Variants in KLHL1 observed in about 807,000 individuals in gnomAD.
KLHL1 encodes kelch like family member 1.
In KLHL1, 47 loss-of-function variants were observed where a neutral mutation model predicts 77.7. That is an observed-to-expected ratio of 0.60 (90% confidence interval 0.48 to 0.77). KLHL1 has a LOEUF of 0.77. Ranked by LOEUF, KLHL1 falls within the 30% of genes least tolerant of loss-of-function variation. The pLI is 0.00. For synonymous variants in KLHL1, 360 were observed against 325.2 expected (o/e 1.11, Z -1.15); for missense variants, 925 against 910.8 (o/e 1.02, Z -0.20).
intron 4 of KLHL1, among the ~76,000 whole-genome samples, chr13:69,923,756 G>GTGCA (rs1253343879): frequency 1.3e-5 from 2 of 152,110 alleles, no homozygotes; most frequent in Non-Finnish European, 2.9e-5. Context: ...AGTGGAGGAG[G>GTGCA]TGCAGCCAGG....
At chr13:70,090,068 C>T (rs1887636942) in intron 1 of KLHL1, among the ~76,000 whole-genome samples, 1 of 152,028 alleles carries the variant, frequency 6.6e-6, no homozygotes, top group South Asian at 2.1e-4. Context: ...AATCCTAACT[C>T]TGTTTTTATA....
intron 9 of KLHL1, 87 bp from the exon 10 acceptor site, chr13:69,707,883 T>C (rs1043324558): frequency 2.1e-5 from 24 of 1,149,270 alleles, no homozygotes; most frequent in African/African-American, 1.9e-4. Context: ...AAGCCTGTCA[T>C]GAAAAAGGAA....
chr13:69,985,807 ATATAT>A (rs1355262793), intron 1 of KLHL1, among the ~76,000 whole-genome samples: 2 of 146,278 alleles, frequency 1.4e-5, no homozygotes, highest in African/African-American at 2.5e-5. Flanking sequence ...ATATATATTT[ATATAT>A]TATATATTAT....
chr13:70,085,889 A>C (rs1887523784), intron 1 of KLHL1, among the ~76,000 whole-genome samples: 1 of 152,142 alleles, frequency 6.6e-6, no homozygotes, highest in Admixed American at 6.5e-5. Context: ...ACAAACAAAC[A>C]AAGAACACTG....
intron 1 of KLHL1, among the ~76,000 whole-genome samples, chr13:70,024,226 T>C (rs1885874899): frequency 6.6e-6 from 1 of 151,950 alleles, no homozygotes; most frequent in Non-Finnish European, 1.5e-5. Flanking sequence ...TTAACTGAAT[T>C]AGCAAATGAC....
At chr13:69,960,078 TGCTTTGAGATTAA>T (rs905829313) in intron 3 of KLHL1, among the ~76,000 whole-genome samples, 2 of 151,360 alleles carry the variant, frequency 1.3e-5, no homozygotes, top group African/African-American at 4.8e-5. Context: ...CTCACATTGC[TGCTTTGAGATTAA>T]GCAGTCAGAG....
chr13:69,707,053 AC>A (rs1214508173), intron 10 of KLHL1, among the ~76,000 whole-genome samples: 1 of 151,930 alleles, frequency 6.6e-6, no homozygotes, highest in Non-Finnish European at 1.5e-5. Context: ...AGGAGTGAGC[AC>A]TCACTACATG....
intron 9 of KLHL1, 88 bp from the exon 10 acceptor site, chr13:69,707,884 G>A: frequency 9.0e-7 from 1 of 1,109,602 alleles, no homozygotes; most frequent in Non-Finnish European, 1.2e-6. Context: ...AGCCTGTCAT[G>A]AAAAAGGAAA....
In KLHL1 at chr13:69,961,304, A is replaced by G. The variant is rs777240794; in HGVS notation, c.817+4T>C. The G allele has an allele frequency of 1.1e-5, 17 of 1,608,824 alleles. No homozygotes were observed. In the Admixed American group the frequency reaches 2.7e-4, roughly 25 times the overall value. On this transcript the variant is annotated splice_donor_region_variant and intron_variant, in intron 3 of 10. Transcript: ENST00000377844. ...AGAATGATGTTATAATTATTTTGCC[A>G]TACCTGTATATGCAAATTGGACAAG...
intron 3 of KLHL1, among the ~76,000 whole-genome samples, chr13:69,954,867 G>T (rs777555791): frequency 1.1e-4 from 16 of 150,944 alleles, no homozygotes; most frequent in Non-Finnish European, 1.8e-4. Context: ...TTGCTAAAAT[G>T]ATGGAAAGGT....
intron 1 of KLHL1, among the ~76,000 whole-genome samples, chr13:69,980,757 G>A (rs574282695): frequency 2.0e-5 from 3 of 152,162 alleles, no homozygotes; most frequent in South Asian, 4.1e-4. Flanking sequence ...TGAGGGGAAA[G>A]CCTTATTTCA....
chr13:69,827,721 C>T (rs945315068), intron 6 of KLHL1, among the ~76,000 whole-genome samples: 9 of 138,750 alleles, frequency 6.5e-5, no homozygotes, highest in African/African-American at 2.3e-4. Flanking sequence ...CAGAGCGAGA[C>T]CCTGTCTCAA....
At chr13:69,909,572 T>C (rs1341995548) in intron 4 of KLHL1, among the ~76,000 whole-genome samples, 2 of 152,034 alleles carry the variant, frequency 1.3e-5, no homozygotes, top group Non-Finnish European at 2.9e-5. Flanking sequence ...AGATATTTTC[T>C]CATTACCTTC....
intron 7 of KLHL1, among the ~76,000 whole-genome samples, chr13:69,781,326 G>A (rs115109941): frequency 3.0e-5 from 4 of 132,216 alleles, no homozygotes; most frequent in African/African-American, 1.2e-4. Context: ...AAGTTCATGA[G>A]AAGGAATTTT....
chr13:69,966,399 C>T (rs1349424106), intron 2 of KLHL1, among the ~76,000 whole-genome samples: 1 of 152,092 alleles, frequency 6.6e-6, no homozygotes, highest in Admixed American at 6.6e-5. Flanking sequence ...ACATCGTTTG[C>T]AGAATGGCTT....
At chr13:69,933,241 C>G (rs1318094656) in intron 4 of KLHL1, among the ~76,000 whole-genome samples, 1 of 151,800 alleles carries the variant, frequency 6.6e-6, no homozygotes, top group African/African-American at 2.4e-5. Flanking sequence ...AAAGGAGTAA[C>G]ACAAAATGAT....
chr13:69,799,595 A>G (rs1200950989), intron 6 of KLHL1, among the ~76,000 whole-genome samples: 1 of 152,240 alleles, frequency 6.6e-6, no homozygotes, highest in Non-Finnish European at 1.5e-5. Flanking sequence ...ATATTAATTT[A>G]CTATGGCTAC....
At chr13:69,869,193 A>C (rs1880487130) in intron 5 of KLHL1, among the ~76,000 whole-genome samples, 1 of 152,174 alleles carries the variant, frequency 6.6e-6, no homozygotes, top group South Asian at 2.1e-4. Context: ...TAAGTGACAG[A>C]AGCCTAAAAT....
At chr13:70,017,433 G>C (rs1002559785) in intron 1 of KLHL1, among the ~76,000 whole-genome samples, 1 of 152,142 alleles carries the variant, frequency 6.6e-6, no homozygotes, top group Non-Finnish European at 1.5e-5. Context: ...ACCTCAAAAA[G>C]AGCCAAAACT....
Sources: gnomAD v4.1 joint callset for allele counts (sites outside exome capture counted in the v4.1 genomes callset) on GRCh38, gnomAD v4.1.1 for gene constraint, MANE v1.5 for transcripts, NCBI Gene and HGNC (gene_info 2026-07-23, HGNC 2026-07-21) for gene names.